Variants in CFAP99 observed in about 807,000 individuals in gnomAD.
The protein encoded by CFAP99 is cilia and flagella associated protein 99.
CFAP99 carries 84 observed loss-of-function variants against 82.7 expected under a neutral mutation model. The observed-to-expected ratio is 1.02, with a 90% CI of 0.85 to 1.22. The LOEUF (loss-of-function observed/expected upper bound fraction) is 1.22. Ranked by LOEUF, CFAP99 falls within the 50% of genes most tolerant of loss-of-function variation. CFAP99 has a pLI of 0.00. For missense variants in CFAP99, 1,059 were observed against 983.5 expected, an observed-to-expected ratio of 1.08 and a Z score of -1.03; for synonymous variants, 456 against 429.5, an observed-to-expected ratio of 1.06 and a Z score of -0.76.
Position 2,443,902 on chromosome 4 carries a change from G to A in CFAP99, c.464+660G>A, listed in dbSNP as rs544481120. Among the ~76,000 whole-genome samples, 756 of 152,250 alleles carry A rather than the reference G, an allele frequency of 5.0e-3. 6 individuals carry two copies. Among genetic ancestry groups the A allele is most frequent in the African/African-American group, 0.017 (717 of 41,562 alleles). On this transcript the variant is annotated intron_variant, in intron 5 of 14. Coordinates refer to ENST00000635017, the Ensembl canonical transcript of CFAP99. ...TCCATGGAGAGGCCTGCTGGGGCCTGAGTGCAGCTGAGGGGCCCCCCAGTT... is the reference window on the plus strand; with the variant it reads ...TCCATGGAGAGGCCTGCTGGGGCCTAAGTGCAGCTGAGGGGCCCCCCAGTT...
Position 2,462,285 on chromosome 4 carries a change from C to G in CFAP99, c.1662-158C>G. The G allele has an allele frequency of 1.5e-6, 1 of 655,176 alleles. No homozygotes were observed. The highest frequency in any genetic ancestry group is 2.3e-6 in the Non-Finnish European group (1 of 428,828). 40.6% of individuals were successfully genotyped at this position (655,176 alleles called of 1,614,324 possible). On this transcript the variant is annotated intron_variant, in intron 14 of 14. Coordinates refer to ENST00000635017, the Ensembl canonical transcript of CFAP99. This position sits in a 1 kb window ranked among gnomAD's most constrained non-coding sequence, Gnocchi z 4.1. ...GCGGTGGTACTGTCTAGGAGCGCGC[C>G]GCGGCCCCTGGGCCTCGCTGTCTGT...
chr4:2,459,685 AGGAGTGCGG>A (rs1456991948), intron 13 of CFAP99, among the ~76,000 whole-genome samples: 1 of 152,186 alleles, frequency 6.6e-6, no homozygotes, highest in Non-Finnish European at 1.5e-5. Context: ...CAGGCCTCAG[AGGAGTGCGG>A]GGAGCCAGCT....
In CFAP99 at chr4:2,459,393, C is replaced by T. The variant is rs534367014; in HGVS notation, c.1455+135C>T. On this transcript the variant is annotated intron_variant, in intron 13 of 14. Transcript: ENST00000635017. ...ACCTGAAACCTGGCCCGCCACCCTCCGTGACTCAACACCCATGTGCCGCGG... is the reference window on the plus strand; with the variant it reads ...ACCTGAAACCTGGCCCGCCACCCTCTGTGACTCAACACCCATGTGCCGCGG... 90 of 1,075,428 alleles carry T rather than the reference C, an allele frequency of 8.4e-5. 1 individual carries two copies. The highest frequency in any genetic ancestry group is 5.7e-4 in the African/African-American group (36 of 62,894). 66.6% of individuals were successfully genotyped at this position (1,075,428 alleles called of 1,614,324 possible).
intron 4 of CFAP99, among the ~76,000 whole-genome samples, chr4:2,440,240 G>A (rs1322184066): frequency 3.6e-5 from 5 of 138,312 alleles, no homozygotes; most frequent in South Asian, 2.4e-4. Context: ...TCCGCCTCCC[G>A]GGTTCACGCC....
At chr4:2,445,851 A>G (rs1056423169) in intron 6 of CFAP99, among the ~76,000 whole-genome samples, 2 of 152,194 alleles carry the variant, frequency 1.3e-5, no homozygotes, top group Non-Finnish European at 2.9e-5. Flanking sequence ...GGCATACGTG[A>G]CCAGGGTTCC....
Position 2,451,359 on chromosome 4 carries a change from G to A in CFAP99, c.956+7G>A. The A allele has an allele frequency of 6.5e-7, 1 of 1,534,986 alleles. No homozygotes were observed. Among genetic ancestry groups the A allele is most frequent in the East Asian group, 2.4e-5 (1 of 40,908 alleles). ...TGGAGCAGGAGCTGCAGAGGTGAAG[G>A]GCGGCAGGCCCCCCCACCTGCCTTC... On this transcript the variant is annotated splice_region_variant and intron_variant, in intron 10 of 14. Coordinates refer to ENST00000635017, the Ensembl canonical transcript of CFAP99.
chr4:2,460,349 T>A (rs992501914), intron 14 of CFAP99, 107 bp downstream of exon 14: 9 of 1,005,700 alleles, frequency 8.9e-6, no homozygotes, highest in Non-Finnish European at 1.3e-5. Context: ...ACCACCCTCC[T>A]GCCCAGGAAG....
exon 11 of CFAP99, chr4:2,452,271 C>T (rs1269249877): frequency 1.3e-6 from 2 of 1,535,916 alleles, no homozygotes; most frequent in Admixed American, 3.9e-5. Context: ...GGAAGCTTAG[C>T]CATGAGGAGG....
chr4:2,455,566 G>A (rs775420352), intron 11 of CFAP99, among the ~76,000 whole-genome samples: 4 of 152,200 alleles, frequency 2.6e-5, no homozygotes, highest in South Asian at 2.1e-4. Context: ...GCACACCCAC[G>A]TAATCCCACC....
At chr4:2,423,050 G>A (rs138149980) in intron 1 of CFAP99, among the ~76,000 whole-genome samples, 160 of 152,326 alleles carry the variant, frequency 1.1e-3, no homozygotes, top group African/African-American at 3.6e-3. Context: ...TGACCCTGGC[G>A]AAGATGGGGA....
intron 4 of CFAP99, among the ~76,000 whole-genome samples, chr4:2,441,305 G>A (rs1182163115): frequency 2.0e-5 from 3 of 150,498 alleles, no homozygotes; most frequent in Admixed American, 1.3e-4. Flanking sequence ...CCTGGGAGGC[G>A]GAGGTTGCAG....
chr4:2,450,101 A>G, intron 8 of CFAP99, 96 bp downstream of exon 8: 1 of 1,260,566 alleles, frequency 7.9e-7, no homozygotes, highest in Non-Finnish European at 1.1e-6. Flanking sequence ...CCACTTATGT[A>G]GCCTTTTCCC....
exon 14 of CFAP99, chr4:2,460,219 C>G (rs1306631515): frequency 1.3e-6 from 2 of 1,535,960 alleles, no homozygotes; most frequent in Non-Finnish European, 1.7e-6. Flanking sequence ...GCCGTGCAGC[C>G]ATGGGGAGAT....
chr4:2,423,450 C>T (rs754067231), intron 1 of CFAP99, among the ~76,000 whole-genome samples: 5 of 152,216 alleles, frequency 3.3e-5, no homozygotes, highest in Non-Finnish European at 5.9e-5. Context: ...CCTCCTGGGC[C>T]TTTCTGCTCA....
At chr4:2,451,115 G>T in intron 9 of CFAP99, 97 bp downstream of exon 9, 2 of 1,459,746 alleles carry the variant, frequency 1.4e-6, no homozygotes, top group South Asian at 1.2e-5. Flanking sequence ...TGAGCTGGGG[G>T]ACCTAGAGTC....
rs35198255 is a variant in CFAP99, at chr4:2,446,816, A to AATGG, written c.642+1528_642+1531dup. ...TGGATGGTAGATGGATGGGTGGATG[A>AATGG]ATGGATGGATGGATGGATGGATGAT... On this transcript the variant is annotated intron_variant, in intron 6 of 14. Coordinates refer to ENST00000635017, the Ensembl canonical transcript of CFAP99. This position sits in a 1 kb window ranked among gnomAD's most constrained non-coding sequence, Gnocchi z 5.0. 0.34 allele frequency among the ~76,000 whole-genome samples: 51,553 copies of AATGG among 150,204 alleles called. 9,975 individuals carry two copies. Among genetic ancestry groups the AATGG allele is most frequent in the East Asian group, 0.59 (2,946 of 5,010 alleles).
rs563760811 is a variant in CFAP99, at chr4:2,452,693, T to G, written c.1161+347T>G. ...TTGATCAAAGGTCACTCAGATTGCT[T>G]CTTTTGATAGTTTCATCTGTGTCTG... On this transcript the variant is annotated intron_variant, in intron 11 of 14. Transcript: ENST00000635017. Among the ~76,000 whole-genome samples, 7 of 152,328 alleles carry G rather than the reference T, an allele frequency of 4.6e-5. No homozygotes were observed. In the East Asian group the frequency reaches 9.6e-4, roughly 21 times the overall value.
At chr4:2,426,412 G>T (rs535790566) in intron 1 of CFAP99, 47 bp from the exon 2 acceptor site, 20 of 1,228,292 alleles carry the variant, frequency 1.6e-5, no homozygotes, top group Admixed American at 5.9e-5. Context: ...GGGTCCTGCG[G>T]CTACATCCCA....
Position 2,462,709 on chromosome 4 carries a change from GGGGAGATCGGGTCCGGTCCGCGGCC to G in CFAP99, c.1936_1960del (p.Arg646ThrfsTer26). 8.0e-7 allele frequency: 1 copy of G among 1,249,316 alleles called. No individual in the cohort carries two copies. Among genetic ancestry groups the G allele is most frequent in the Non-Finnish European group, 1.0e-6 (1 of 994,518 alleles). 77.4% of individuals were successfully genotyped at this position (1,249,316 alleles called of 1,614,324 possible). A position where few individuals can be genotyped will look rare whatever the true frequency, so the allele number is the denominator to read the frequency against. On this transcript the variant is annotated frameshift_variant, in exon 15 of 15. Coordinates refer to ENST00000635017, the Ensembl canonical transcript of CFAP99. LOFTEE classifies it low-confidence loss of function (END_TRUNC). The surrounding 1 kb of genome is among the most constrained non-coding windows in gnomAD (Gnocchi z 4.1). ...ACCGGCGTCCCGGGGCGGGGATGGCGGGGAGATCGGGTCCGGTCCGCGGCCGGGAGATACGCAGCGGCGGGCGCGG... is the reference window on the plus strand; with the variant it reads ...ACCGGCGTCCCGGGGCGGGGATGGCGGGGAGATACGCAGCGGCGGGCGCGG...
Sources: allele counts gnomAD v4.1 joint callset (sites outside exome capture counted in the v4.1 genomes callset), GRCh38; gene constraint gnomAD v4.1.1; non-coding constraint Gnocchi (gnomAD v3.1); transcripts MANE v1.5; gene names NCBI Gene and HGNC (gene_info 2026-07-23, HGNC 2026-07-21).